CACNA1C: variants seen among roughly 807,000 people sequenced by gnomAD.
CACNA1C encodes voltage-dependent L-type calcium channel subunit alpha-1C.
Under a neutral mutation model 229.0 loss-of-function variants are expected in CACNA1C, and 30 were observed. That is an observed-to-expected ratio of 0.13 (90% CI 0.10 to 0.18). CACNA1C has a LOEUF of 0.18. Among genes scored for constraint, CACNA1C ranks in the 10% least tolerant of loss-of-function variants. CACNA1C has a pLI of 1.00. For synonymous variants in CACNA1C, 1,114 were observed against 1,132.5 expected (o/e 0.98, Z 0.33); for missense variants, 1,658 against 2,845.0 (o/e 0.58, Z 9.49).
At chr12:2,382,676 C>T (rs981069619) in intron 3 of CACNA1C, among the ~76,000 whole-genome samples, 2 of 152,176 alleles carry the variant, frequency 1.3e-5, no homozygotes, top group African/African-American at 2.4e-5. Context: ...AGATTCGAAA[C>T]CAGTCATATA....
chr12:2,606,436 C>A (rs146526882), intron 24 of CACNA1C, among the ~76,000 whole-genome samples, 175 bp from the exon 25 acceptor site: 8 of 151,976 alleles, frequency 5.3e-5, no homozygotes, highest in African/African-American at 9.7e-5. Context: ...GCAGCACTGG[C>A]GTCTGTATTC....
At position 2,566,662 on chromosome 12, in the gene CACNA1C, C is replaced by A; in HGVS notation, c.1669+80C>A. ...GCCCAGGGGAGGGCATAACCACAGG[C>A]AGAAGGTGGAGGGGAAAGCAGCCAA... On this transcript the variant is annotated intron_variant, in intron 12 of 46. Coordinates refer to ENST00000399655, the MANE Select transcript of CACNA1C (RefSeq NM_000719.7). The surrounding 1 kb of genome is among the most constrained non-coding windows in gnomAD (Gnocchi z 4.0). 1 of 1,252,146 alleles carries A rather than the reference C, an allele frequency of 8.0e-7. No individual in the cohort carries two copies. Among genetic ancestry groups the A allele is most frequent in the Non-Finnish European group, 1.1e-6 (1 of 901,838 alleles). The allele number at this position is 1,252,146 out of a possible 1,614,324, so 77.6% of individuals were successfully genotyped here.
chr12:2,415,447 A>G (rs774754912), intron 3 of CACNA1C, among the ~76,000 whole-genome samples: 18 of 152,242 alleles, frequency 1.2e-4, no homozygotes, highest in Admixed American at 1.1e-3. Flanking sequence ...AGCTGTGATC[A>G]TGAAAAGGAA....
chr12:2,220,518 G>GGTGCTGATACTAGGTGTGAAGGC (rs1221393194), intron 3 of CACNA1C: 4 of 152,354 alleles, frequency 2.6e-5, no homozygotes, highest in African/African-American at 9.6e-5. Context: ...GGTGTGAAGG[G>GGTGCTGATACTAGGTGTGAAGGC]GTGCTGATAC....
At chr12:2,377,826 T>G (rs914575680) in intron 3 of CACNA1C, among the ~76,000 whole-genome samples, 1 of 152,166 alleles carries the variant, frequency 6.6e-6, no homozygotes, top group Non-Finnish European at 1.5e-5. Context: ...TCCTTCTGCT[T>G]CTCCATGATT....
Position 2,285,427 on chromosome 12 carries a change from T to C in CACNA1C, c.478-163549T>C, listed in dbSNP as rs2092481894. 6.6e-6 allele frequency among the ~76,000 whole-genome samples: 1 copy of C among 152,202 alleles called. No individual in the cohort carries two copies. The highest frequency in any genetic ancestry group is 2.1e-4 in the South Asian group (1 of 4,834). ...GCTGGAACCACTTGTGAAGGTGACG[T>C]AGGGCTGCAGGGAGAGCCCAGGTAG... On this transcript the variant is annotated intron_variant, in intron 3 of 46. Transcript: ENST00000399655. The surrounding 1 kb of genome is among the most constrained non-coding windows in gnomAD (Gnocchi z 4.2).
chr12:2,683,707 A>G (rs113890172), intron 43 of CACNA1C, among the ~76,000 whole-genome samples: 3 of 152,076 alleles, frequency 2.0e-5, no homozygotes, highest in Non-Finnish European at 2.9e-5. Context: ...GGGTTTAGAG[A>G]GAAGCTCCCA....
At chr12:2,250,196 A>G (rs1241042676) in intron 3 of CACNA1C, among the ~76,000 whole-genome samples, 1 of 152,160 alleles carries the variant, frequency 6.6e-6, no homozygotes, top group Non-Finnish European at 1.5e-5. Context: ...GAGCCCACCC[A>G]GTCAGTATCT....
intron 7 of CACNA1C, among the ~76,000 whole-genome samples, chr12:2,497,969 T>TCACACACACACACACACA (rs3058710): frequency 0.013 from 1,865 of 143,970 alleles, 28 homozygotes; most frequent in East Asian, 0.075. Context: ...TCTATTAAAT[T>TCACACACACACACACACA]CACACACACA....
chr12:2,098,861 A>G (rs1354107306), intron 1 of CACNA1C, among the ~76,000 whole-genome samples: 1 of 152,234 alleles, frequency 6.6e-6, no homozygotes, highest in Non-Finnish European at 1.5e-5. Context: ...AATCCCTTGT[A>G]GTCTTCACCA....
At chr12:2,334,661 T>G (rs989487904) in intron 3 of CACNA1C, among the ~76,000 whole-genome samples, 1 of 152,186 alleles carries the variant, frequency 6.6e-6, no homozygotes, top group Admixed American at 6.5e-5. Context: ...TTTTTTTCAA[T>G]GTTGACTTTA....
rs2094724265 is a variant in CACNA1C at position 2,649,661 on chromosome 12, T to C, written c.3945+1154T>C. Among the ~76,000 whole-genome samples, 1 of 151,748 alleles carries C rather than the reference T, an allele frequency of 6.6e-6. No homozygotes were observed. The highest frequency in any genetic ancestry group is 6.6e-5 in the Admixed American group (1 of 15,234). The stretch of plus-strand genomic sequence containing the variant: ...TGGAATGGAATTCACGCTGCAAGCT[T>C]GGTGTTTGGCGTTTTTTGGGTTTTT... On this transcript the variant is annotated intron_variant, in intron 31 of 46. Transcript: ENST00000399655. The surrounding 1 kb of genome is among the most constrained non-coding windows in gnomAD (Gnocchi z 4.4).
intron 9 of CACNA1C, among the ~76,000 whole-genome samples, chr12:2,549,591 G>A (rs1221409629): frequency 1.3e-5 from 2 of 152,190 alleles, no homozygotes; most frequent in Non-Finnish European, 2.9e-5. Context: ...TGTGGCAAGT[G>A]GTAGTTGCAA....
intron 3 of CACNA1C, among the ~76,000 whole-genome samples, chr12:2,172,749 G>A (rs2096534269): frequency 6.6e-6 from 1 of 152,192 alleles, no homozygotes; most frequent in South Asian, 2.1e-4. Context: ...AAGGAGATGA[G>A]GCACAAATAA....
intron 34 of CACNA1C, among the ~76,000 whole-genome samples, chr12:2,661,319 T>C (rs2095724629): frequency 7.3e-6 from 1 of 136,496 alleles, no homozygotes; most frequent in African/African-American, 2.6e-5. Flanking sequence ...ACACACAAGA[T>C]TTTTCTAAGA....
chr12:2,166,606 T>A (rs938635078), intron 3 of CACNA1C, among the ~76,000 whole-genome samples: 1 of 152,222 alleles, frequency 6.6e-6, no homozygotes, highest in South Asian at 2.1e-4. Context: ...CAGTCTCTGT[T>A]TTGTCATATG....
intron 3 of CACNA1C, among the ~76,000 whole-genome samples, chr12:2,334,866 G>A (rs530559695): frequency 1.2e-3 from 183 of 152,258 alleles, no homozygotes; most frequent in Non-Finnish European, 2.1e-3. Context: ...AAATGTCATG[G>A]TTTGGGGTTT....
At chr12:2,107,534 C>T (rs905060410) in intron 1 of CACNA1C, among the ~76,000 whole-genome samples, 6 of 152,186 alleles carry the variant, frequency 3.9e-5, no homozygotes, top group African/African-American at 1.4e-4. Context: ...GAGAGGGTTT[C>T]CACCTCAGCT....
rs1407779604 is a variant in CACNA1C at position 2,689,448 on chromosome 12, A to G, written c.6117+669A>G. On this transcript the variant is annotated intron_variant, in intron 46 of 46. Transcript: ENST00000399655. The surrounding 1 kb of genome is among the most constrained non-coding windows in gnomAD (Gnocchi z 4.2). ...CTTTGGAGGGTGCGATACACCTCTC[A>G]CACCTGCAACGGGTGGGATGGGGAA... Among the ~76,000 whole-genome samples the G allele has an allele frequency of 6.6e-6, 1 of 152,098 alleles. No individual in the cohort carries two copies. The highest frequency in any genetic ancestry group is 1.9e-4 in the East Asian group (1 of 5,174).
Sources: gnomAD v4.1 joint callset for allele counts (sites outside exome capture counted in the v4.1 genomes callset) on GRCh38, gnomAD v4.1.1 for gene constraint, Gnocchi (gnomAD v3.1) non-coding constraint, MANE v1.5 for transcripts, NCBI Gene and HGNC (gene_info 2026-07-23, HGNC 2026-07-21) for gene names.